The following SLC16A5 variants were observed in gnomAD, a reference collection of about 807,000 sequenced individuals.
SLC16A5 encodes the protein solute carrier family 16 member 5.
In SLC16A5, 29 loss-of-function variants were observed where a neutral mutation model predicts 33.2. The ratio of observed to expected loss-of-function variants is 0.87; its 90% CI spans 0.65 to 1.19. The LOEUF is 1.19. Among genes scored for constraint, SLC16A5 ranks in the 50% most tolerant of loss-of-function variants. SLC16A5 has a pLI of 0.00. For missense variants in SLC16A5, 606 were observed against 678.2 expected (o/e 0.89, Z 1.18); for synonymous variants, 248 against 284.1 (o/e 0.87, Z 1.28).
chr17:75,103,126 T>C lies in SLC16A5; in HGVS notation c.1154-844T>C, dbSNP rs186408753. On this transcript the variant is annotated intron_variant, in intron 5 of 6. Coordinates refer to ENST00000329783, the MANE Select transcript of SLC16A5 (RefSeq NM_004695.4). ...GGCTGTTCTCGAACTCCTGACCTCG[T>C]GATCTGCCGGCCTCGGCCTCCCAGA... 8.3e-4 allele frequency among the ~76,000 whole-genome samples: 127 copies of C among 152,222 alleles called. 1 individual carries two copies. Among genetic ancestry groups the C allele is most frequent in the African/African-American group, 2.8e-3 (117 of 41,550 alleles).
downstream of SLC16A5, among the ~76,000 whole-genome samples, chr17:75,108,050 C>G (rs61633986): frequency 6.6e-6 from 1 of 151,878 alleles, no homozygotes; most frequent in Non-Finnish European, 1.5e-5. Flanking sequence ...TGTAGTGAGC[C>G]GAGATCGCAC....
chr17:75,094,063 C>T lies in SLC16A5; in HGVS notation c.199+228C>T, dbSNP rs184542149. On this transcript the variant is annotated intron_variant, in intron 3 of 6. Coordinates refer to ENST00000329783, the MANE Select transcript of SLC16A5 (RefSeq NM_004695.4). The stretch of plus-strand genomic sequence containing the variant: ...GCCTGGGTTGCAAAGCCAGGCGGAG[C>T]CTTGCGTCCTTTCTGTGGGATCCAT... Among the ~76,000 whole-genome samples, 185 of 152,316 alleles carry T rather than the reference C, an allele frequency of 1.2e-3. 3 individuals are homozygous for T. Among genetic ancestry groups the T allele is most frequent in the East Asian group, 0.011 (58 of 5,170 alleles).
chr17:75,109,784 T>A (rs1410130035), downstream of SLC16A5, among the ~76,000 whole-genome samples: 1 of 152,210 alleles, frequency 6.6e-6, no homozygotes, highest in African/African-American at 2.4e-5. This position sits in a 1 kb window ranked among gnomAD's most constrained non-coding sequence, Gnocchi z 5.0. Flanking sequence ...GCCAGGCTGC[T>A]CCTCGCAGTA....
chr17:75,090,110 A>G (rs66955829), intron 2 of SLC16A5: 39,032 of 151,840 alleles, frequency 0.26, 6,096 homozygotes, highest in Non-Finnish European at 0.34. Flanking sequence ...CTCCTGCCTC[A>G]GCCTAGTTTT....
chr17:75,092,838 TG>T, intron 2 of SLC16A5, among the ~76,000 whole-genome samples: 1 of 143,480 alleles, frequency 7.0e-6, no homozygotes, highest in Non-Finnish European at 1.6e-5. Context: ...TGTGTGTGTG[TG>T]TGTGTGTGTG....
rs1457909682 is a variant in SLC16A5, at chr17:75,100,110, C to T, written c.447C>T (p.Ser149=). 3 of 1,614,152 alleles carry T rather than the reference C, an allele frequency of 1.9e-6. No homozygotes were observed. In the Admixed American group the frequency reaches 5.0e-5, roughly 27 times the overall value. Reference sequence around the variant, plus strand: ...ACGCGCTGGCCTCGATGGGCGTCTCCCTGGGCATCACCCTCTGGCCGCTGC... The same window carrying T: ...ACGCGCTGGCCTCGATGGGCGTCTCTCTGGGCATCACCCTCTGGCCGCTGC... ...LANALASMGV[S]LGITLWPLLS... Residue 149 remains serine, a synonymous_variant, in exon 5 of 7, where the codon TCC becomes TCT. Coordinates refer to ENST00000329783, the MANE Select transcript of SLC16A5 (RefSeq NM_004695.4).
chr17:75,091,918 G>A (rs1028863586), intron 2 of SLC16A5, among the ~76,000 whole-genome samples: 1 of 152,170 alleles, frequency 6.6e-6, no homozygotes, highest in African/African-American at 2.4e-5. Flanking sequence ...AGGGGACCTT[G>A]GGACTTTGGA....
rs113491453 is a variant in SLC16A5 at position 75,100,848 on chromosome 17, G to A, written c.1153+32G>A. 444 of 1,529,442 alleles carry A rather than the reference G, an allele frequency of 2.9e-4. 1 individual carries two copies. The highest frequency in any genetic ancestry group is 3.6e-4 in the Non-Finnish European group (411 of 1,131,996). The allele number at this position is 1,529,442 out of a possible 1,614,324, so 94.7% of individuals were successfully genotyped here. A position where few individuals can be genotyped will look rare whatever the true frequency, so the allele number is the denominator to read the frequency against. On this transcript the variant is annotated intron_variant, in intron 5 of 6. Transcript: ENST00000329783. ...AGCTGGGAGGGAGGGCAGCCAGATA[G>A]TGTGGTAAAAGGGGAACAGTTTAGA...
intron 2 of SLC16A5, among the ~76,000 whole-genome samples, chr17:75,092,474 A>G (rs1382154257): frequency 6.6e-6 from 1 of 151,524 alleles, no homozygotes; most frequent in African/African-American, 2.4e-5. Flanking sequence ...CTCCTGCCTC[A>G]GCCTCCCGAG....
chr17:75,106,175 G>A (rs2073861007), downstream of SLC16A5: 5 of 494,866 alleles, frequency 1.0e-5, no homozygotes, highest in South Asian at 7.0e-5. Flanking sequence ...TAGGAGGTTG[G>A]TTTGGATGAG....
rs115464192 is a variant in SLC16A5, at chr17:75,100,554, G to A, written c.891G>A (p.Arg297=). The A allele has an allele frequency of 5.0e-6, 8 of 1,614,108 alleles. No individual in the cohort carries two copies. In the East Asian group the frequency reaches 1.6e-4, roughly 31 times the overall value. ...LRPLAGLMAG[R]PAFASHRKYL... ...CCCTAGCCGGGCTGATGGCAGGACG[G>A]CCGGCCTTTGCTAGCCACCGCAAGT... Residue 297 remains arginine, a synonymous_variant, in exon 5 of 7, where the codon CGG becomes CGA. Coordinates refer to ENST00000329783, the MANE Select transcript of SLC16A5 (RefSeq NM_004695.4).
At chr17:75,092,516 G>A (rs1289483568) in intron 2 of SLC16A5, among the ~76,000 whole-genome samples, 2 of 151,952 alleles carry the variant, frequency 1.3e-5, no homozygotes, top group Non-Finnish European at 2.9e-5. Flanking sequence ...TAGTAGAGAC[G>A]GGGTTTCACC....
At chr17:75,093,449 C>T (rs2073669933) in intron 2 of SLC16A5, 140 bp from the exon 3 acceptor site, 1 of 1,535,872 alleles carries the variant, frequency 6.5e-7, no homozygotes, top group African/African-American at 1.4e-5. Context: ...CTGGCCACCT[C>T]CCAGGGGTGG....
intron 4 of SLC16A5, among the ~76,000 whole-genome samples, chr17:75,099,609 C>A (rs1240164567): frequency 1.3e-5 from 2 of 151,510 alleles, no homozygotes; most frequent in African/African-American, 2.4e-5. Flanking sequence ...CTAAGCCTGG[C>A]TAATTTTTTT....
downstream of SLC16A5, among the ~76,000 whole-genome samples, chr17:75,107,265 A>G (rs2145094730): frequency 6.6e-6 from 1 of 151,852 alleles, no homozygotes; most frequent in East Asian, 1.9e-4. Flanking sequence ...ACACCACTGC[A>G]CTCCAGCCTG....
chr17:75,094,557 G>A (rs999762381), intron 3 of SLC16A5, among the ~76,000 whole-genome samples: 1 of 152,206 alleles, frequency 6.6e-6, no homozygotes, highest in East Asian at 1.9e-4. Flanking sequence ...GTGGTGGCGG[G>A]TGCCTGTAAT....
downstream of SLC16A5, among the ~76,000 whole-genome samples, chr17:75,107,263 G>A (rs2073870604): frequency 6.6e-6 from 1 of 151,760 alleles, no homozygotes; most frequent in Non-Finnish European, 1.5e-5. Flanking sequence ...TCACACCACT[G>A]CACTCCAGCC....
chr17:75,100,396 G>A lies in SLC16A5; in HGVS notation c.733G>A (p.Val245Met), dbSNP rs768693658. The change falls in exon 5 of 7, where the codon GTG becomes ATG. Residue 245 changes from valine to methionine, a missense_variant. Coordinates refer to ENST00000329783, the MANE Select transcript of SLC16A5 (RefSeq NM_004695.4). ...AGGCTACTGCGTGTACATACTGGGT[G>A]TGATGTGGTCCGTCCTGGGCTTCCC... ...NTGYCVYILGVMWSVLGFPLP... is the reference protein window; with the variant it reads ...NTGYCVYILGMMWSVLGFPLP... The A allele has an allele frequency of 2.5e-6, 4 of 1,614,270 alleles. No homozygotes were observed. The South Asian group carries it at 4.4e-5, about 18-fold the overall frequency.
Position 75,092,460 on chromosome 17 carries a change from G to A in SLC16A5, c.-48-1129G>A, listed in dbSNP as rs1305282408. Among the ~76,000 whole-genome samples, 3 of 151,570 alleles carry A rather than the reference G, an allele frequency of 2.0e-5. No homozygotes were observed. In the East Asian group the frequency reaches 5.8e-4, roughly 29 times the overall value. On this transcript the variant is annotated intron_variant, in intron 2 of 6. Transcript: ENST00000329783. ...CAACCTCCGCCTCCTGGGTTCAAGC[G>A]ATTCTCCTGCCTCAGCCTCCCGAGT...
Sources: gnomAD v4.1 joint callset for allele counts (sites outside exome capture counted in the v4.1 genomes callset) on GRCh38, gnomAD v4.1.1 for gene constraint, Gnocchi (gnomAD v3.1) non-coding constraint, MANE v1.5 for transcripts, NCBI Gene and HGNC (gene_info 2026-07-23, HGNC 2026-07-21) for gene names.